The following CREB3L3 variants were observed in gnomAD, a reference collection of about 807,000 sequenced individuals.
The protein encoded by CREB3L3 is cAMP responsive element binding protein 3 like 3.
A neutral mutation model predicts 44.6 loss-of-function variants in CREB3L3; 40 were observed. The observed-to-expected ratio is 0.90, with a 90% CI of 0.70 to 1.17. The LOEUF (loss-of-function observed/expected upper bound fraction) is 1.17. Ranked by LOEUF, CREB3L3 falls within the 50% of genes most tolerant of loss-of-function variation. CREB3L3 has a pLI of 0.00. For synonymous variants in CREB3L3, 273 were observed against 256.3 expected, an observed-to-expected ratio of 1.06 and a Z score of -0.62; for missense variants, 578 against 595.8, an observed-to-expected ratio of 0.97 and a Z score of 0.31.
rs7258321 is a variant in CREB3L3, at chr19:4,172,150, G to A, written c.*181G>A. 1,635 of 659,110 alleles carry A rather than the reference G, an allele frequency of 2.5e-3. 17 individuals are homozygous for A. In the African/African-American group the frequency reaches 0.027, roughly 11 times the overall value. The allele number at this position is 659,110 out of a possible 1,614,324, so 40.8% of individuals were successfully genotyped here. A position where few individuals can be genotyped will look rare whatever the true frequency, so the allele number is the denominator to read the frequency against. ...CCTGACTGAGGCCCACGCAGGAACC[G>A]ACACTCAGACACAAGGCAAAGAGGG... is the stretch of plus-strand genomic sequence containing the variant. On this transcript the variant is annotated 3_prime_UTR_variant, in exon 10 of 10. Coordinates refer to ENST00000078445, the MANE Select transcript of CREB3L3 (RefSeq NM_032607.3).
Position 4,163,351 on chromosome 19 carries a change from A to AGAAGGAAG in CREB3L3, c.577-1136_577-1129dup, listed in dbSNP as rs1555703364. On this transcript the variant is annotated intron_variant, in intron 4 of 9. Transcript: ENST00000078445. ...AGAAAAGAAAGAAAGAAAGAAAGAA[A>AGAAGGAAG]GAAGGAAGGAAGGAAGGAAGGAAAG... Among the ~76,000 whole-genome samples the AGAAGGAAG allele has an allele frequency of 4.7e-3, 546 of 116,924 alleles. 4 individuals are homozygous for AGAAGGAAG. Among genetic ancestry groups the AGAAGGAAG allele is most frequent in the African/African-American group, 0.014 (424 of 30,554 alleles). 76.7% of individuals were successfully genotyped at this position (116,924 alleles called of 152,430 possible).
chr19:4,163,837 C>G (rs2041692385), intron 4 of CREB3L3, among the ~76,000 whole-genome samples: 1 of 143,088 alleles, frequency 7.0e-6, no homozygotes, highest in African/African-American at 2.6e-5. Flanking sequence ...CAGAGTCTTA[C>G]TCTGTCTCTC....
chr19:4,153,950 C>A (rs774650665), intron 1 of CREB3L3, among the ~76,000 whole-genome samples, 176 bp downstream of exon 1: 9 of 152,192 alleles, frequency 5.9e-5, no homozygotes, highest in Non-Finnish European at 1.2e-4. Flanking sequence ...CTGCCCTTGT[C>A]TTTCTTCCAG....
chr19:4,158,116 C>T (rs1180110961), intron 3 of CREB3L3, among the ~76,000 whole-genome samples: 1 of 152,070 alleles, frequency 6.6e-6, no homozygotes, highest in Non-Finnish European at 1.5e-5. Context: ...CCAGGCAGAG[C>T]CCTGGCTGGA....
intron 4 of CREB3L3, among the ~76,000 whole-genome samples, chr19:4,163,858 G>T (rs1171360483): frequency 6.8e-6 from 1 of 147,134 alleles, no homozygotes; most frequent in Non-Finnish European, 1.5e-5. Flanking sequence ...AGGCTGGAGT[G>T]CAGTGGTGTG....
chr19:4,155,152 G>A (rs1468525243), intron 2 of CREB3L3, 125 bp downstream of exon 2: 1 of 1,189,628 alleles, frequency 8.4e-7, no homozygotes, highest in Non-Finnish European at 1.2e-6. Context: ...ATGCACTAAT[G>A]GGTCACGGTG....
At chr19:4,165,317 G>A (rs935917483) in intron 5 of CREB3L3, among the ~76,000 whole-genome samples, 2 of 150,572 alleles carry the variant, frequency 1.3e-5, no homozygotes, top group East Asian at 3.9e-4. Flanking sequence ...ACAGGTGCAC[G>A]CCACTACACT....
In CREB3L3 at chr19:4,171,709, G is replaced by A. The variant is rs1227612953; in HGVS notation, c.1126G>A (p.Val376Met). 6.2e-7 allele frequency: 1 copy of A among 1,613,212 alleles called. No individual in the cohort carries two copies. The highest frequency in any genetic ancestry group is 1.3e-5 in the African/African-American group (1 of 74,902). The change falls in exon 10 of 10, where the codon GTG (valine) becomes ATG (methionine). Residue 376 changes from valine to methionine, a missense_variant. Transcript: ENST00000078445. This position sits in a 1 kb window ranked among gnomAD's most constrained non-coding sequence, Gnocchi z 4.9. ...DAASRVAADAVPGSEAPGPRP... is the reference protein window; with the variant it reads ...DAASRVAADAMPGSEAPGPRP... ...TGCCTCCCGCGTGGCTGCTGATGCT[G>A]TGCCAGGCTCCGAGGCCCCAGGACC...
In CREB3L3 at chr19:4,171,906, G is replaced by A; in HGVS notation, c.1323G>A (p.Val441=). The change falls in exon 10 of 10, where the codon GTG becomes GTA. Residue 441 remains valine, a synonymous_variant. Coordinates refer to ENST00000078445, the MANE Select transcript of CREB3L3 (RefSeq NM_032607.3). This position sits in a 1 kb window ranked among gnomAD's most constrained non-coding sequence, Gnocchi z 4.9. The part of the protein sequence containing the change: ...GLGQVALLDW[V]APGPSTGSGR... ...GCCAGGTCGCCCTGCTGGACTGGGTGGCGCCTGGGCCGAGCACTGGCTCAG... is the reference window on the plus strand; with the variant it reads ...GCCAGGTCGCCCTGCTGGACTGGGTAGCGCCTGGGCCGAGCACTGGCTCAG... The A allele has an allele frequency of 1.2e-6, 2 of 1,612,354 alleles. No individual in the cohort carries two copies. Among genetic ancestry groups the A allele is most frequent in the Non-Finnish European group, 1.7e-6 (2 of 1,179,630 alleles).
At chr19:4,167,335 C>CAAGAAAGA (rs10525113) in intron 5 of CREB3L3, among the ~76,000 whole-genome samples, 19,900 of 115,804 alleles carry the variant, frequency 0.17, 1,913 homozygotes, top group African/African-American at 0.19. Flanking sequence ...AAGAGCGAAA[C>CAAGAAAGA]AAGAAAGAAA....
intron 3 of CREB3L3, among the ~76,000 whole-genome samples, chr19:4,158,218 C>G (rs1028131569): frequency 6.6e-6 from 1 of 152,088 alleles, no homozygotes; most frequent in East Asian, 1.9e-4. Context: ...GAGGCTCAGG[C>G]CCGGAGCGGT....
At chr19:4,170,287 G>T (rs1967014619) in intron 7 of CREB3L3, 79 bp downstream of exon 7, 5 of 1,368,118 alleles carry the variant, frequency 3.7e-6, no homozygotes, top group Non-Finnish European at 5.2e-6. Flanking sequence ...GAGAGCCCAT[G>T]TGATGGCAGA....
chr19:4,168,391 G>T lies in CREB3L3; in HGVS notation c.755G>T (p.Arg252Leu), dbSNP rs375880323. ...RVLKKIRRKIRNKQSAQESRK... is the reference protein window; with the variant it reads ...RVLKKIRRKILNKQSAQESRK... Reference sequence around the variant, plus strand: ...CTGAAAAAAATCCGCCGGAAAATCCGGAACAAGCAGTCGGCGCAAGAAAGC... The same window carrying T: ...CTGAAAAAAATCCGCCGGAAAATCCTGAACAAGCAGTCGGCGCAAGAAAGC... Residue 252 changes from arginine to leucine, a missense_variant, in exon 6 of 10, where the codon CGG becomes CTG. Physicochemically the swap from Arg to Leu is moderately radical, Grantham distance 102. Coordinates refer to ENST00000078445, the MANE Select transcript of CREB3L3 (RefSeq NM_032607.3). The T allele has an allele frequency of 1.2e-6, 2 of 1,611,190 alleles. No homozygotes were observed. Among genetic ancestry groups the T allele is most frequent in the Non-Finnish European group, 8.5e-7 (1 of 1,178,512 alleles).
intron 4 of CREB3L3, among the ~76,000 whole-genome samples, chr19:4,160,758 G>A (rs562168536): frequency 5.8e-4 from 88 of 150,776 alleles, no homozygotes; most frequent in Admixed American, 1.5e-3. Context: ...TTTTGAGATG[G>A]CGTCTTGCTC....
At chr19:4,156,319 C>A (rs1475752276) in intron 2 of CREB3L3, among the ~76,000 whole-genome samples, 1 of 151,792 alleles carries the variant, frequency 6.6e-6, no homozygotes, top group African/African-American at 2.4e-5. Context: ...TCCCGAGTAG[C>A]TGAGATTACA....
chr19:4,167,508 G>GAGAGAAAGAGAA (rs1178488919), intron 5 of CREB3L3, among the ~76,000 whole-genome samples: 1 of 120,500 alleles, frequency 8.3e-6, no homozygotes, highest in Admixed American at 1.0e-4. Flanking sequence ...GAAAGAGAAA[G>GAGAGAAAGAGAA]AGAGAAAGAG....
At chr19:4,166,421 ATTTTT>A (rs35783380) in intron 5 of CREB3L3, among the ~76,000 whole-genome samples, 15 of 103,760 alleles carry the variant, frequency 1.4e-4, no homozygotes, top group East Asian at 3.1e-4. Context: ...CGCCTGGCTA[ATTTTT>A]TTTTTTTTTT....
intron 5 of CREB3L3, 61 bp from the exon 6 acceptor site, chr19:4,168,290 C>T (rs551183627): frequency 1.5e-5 from 19 of 1,305,664 alleles, no homozygotes; most frequent in Middle Eastern, 2.2e-4. Flanking sequence ...AGAGCTACTG[C>T]CCCCGGACTC....
At chr19:4,160,740 C>CTT (rs36045723) in intron 4 of CREB3L3, among the ~76,000 whole-genome samples, 224 of 139,692 alleles carry the variant, frequency 1.6e-3, no homozygotes, top group Middle Eastern at 7.5e-3. Flanking sequence ...TTTCTTTTTT[C>CTT]TTTTTTTTTT....
Sources: gnomAD v4.1 joint callset for allele counts (sites outside exome capture counted in the v4.1 genomes callset) on GRCh38, gnomAD v4.1.1 for gene constraint, Gnocchi (gnomAD v3.1) non-coding constraint, MANE v1.5 for transcripts, NCBI Gene and HGNC (gene_info 2026-07-23, HGNC 2026-07-21) for gene names.